SNX27: variants seen among roughly 807,000 people sequenced by gnomAD.
SNX27 encodes the protein sorting nexin 27.
Under a neutral mutation model 71.6 loss-of-function variants are expected in SNX27, and 22 were observed. The ratio of observed to expected loss-of-function variants is 0.31; its 90% CI spans 0.22 to 0.44. The LOEUF (loss-of-function observed/expected upper bound fraction) is 0.44, where lower values mean the gene tolerates loss of function less well. Ranked by LOEUF, SNX27 falls within the 20% of genes least tolerant of loss-of-function variation. The pLI, the probability that SNX27 is intolerant of heterozygous loss-of-function variation, is 1.00. For synonymous variants in SNX27, 269 were observed against 277.2 expected, an observed-to-expected ratio of 0.97 and a Z score of 0.29; for missense variants, 531 against 698.6, an observed-to-expected ratio of 0.76 and a Z score of 2.70.
intron 2 of SNX27, among the ~76,000 whole-genome samples, chr1:151,655,090 T>G (rs1669622990): frequency 6.6e-6 from 1 of 152,230 alleles, no homozygotes; most frequent in Admixed American, 6.5e-5. Flanking sequence ...TTGTTACATT[T>G]CTTTAAAGAG....
At chr1:151,674,383 A>C (rs188519639) in intron 7 of SNX27, among the ~76,000 whole-genome samples, 1 of 152,278 alleles carries the variant, frequency 6.6e-6, no homozygotes, top group East Asian at 1.9e-4. Context: ...TGTTGTTACT[A>C]TTTATATATA....
In SNX27 at chr1:151,695,465, G is replaced by C. The variant is rs4845486; in HGVS notation, c.*1048G>C. 7.8e-6 allele frequency: 1 copy of C among 128,634 alleles called. No individual in the cohort carries two copies. Among genetic ancestry groups the C allele is most frequent in the Non-Finnish European group, 1.6e-5 (1 of 64,424 alleles). The allele number at this position is 128,634 out of a possible 1,614,324, so 8.0% of individuals were successfully genotyped here. A position where few individuals can be genotyped will look rare whatever the true frequency, so the allele number is the denominator to read the frequency against. On this transcript the variant is annotated 3_prime_UTR_variant, in exon 12 of 12. Transcript: ENST00000458013. Reference sequence around the variant, plus strand: ...AGACAGGGTCTTACTCTGTCGCCCAGACTGGAATGTGGTGGCATGAACATA... The same window carrying C: ...AGACAGGGTCTTACTCTGTCGCCCACACTGGAATGTGGTGGCATGAACATA...
chr1:151,630,065 C>T (rs190536861), intron 1 of SNX27, among the ~76,000 whole-genome samples: 6 of 150,652 alleles, frequency 4.0e-5, no homozygotes, highest in Non-Finnish European at 7.4e-5. Context: ...GAGCCGAGAT[C>T]GCACCACTGC....
rs1491041932 is a variant in SNX27 at position 151,637,170 on chromosome 1, G to GT, written c.312-1706dup. Among the ~76,000 whole-genome samples, 10 of 32,842 alleles carry GT rather than the reference G, an allele frequency of 3.0e-4. No individual in the cohort carries two copies. The East Asian group carries it at 5.5e-3, about 18-fold the overall frequency. The allele number at this position is 32,842 out of a possible 152,430, so 21.5% of individuals were successfully genotyped here. A position where few individuals can be genotyped will look rare whatever the true frequency, so the allele number is the denominator to read the frequency against. On this transcript the variant is annotated intron_variant, in intron 1 of 11. Coordinates refer to ENST00000458013, the MANE Select transcript of SNX27 (RefSeq NM_001330723.2). ...TTGATCACGTTTTTTTTGTTTTTTT[G>GT]TTTTTTTTTTTTGAGACAGAGTCTT...
Position 151,651,136 on chromosome 1 carries a change from G to C in SNX27, c.544-7099G>C, listed in dbSNP as rs377082348. Reference sequence around the variant, plus strand: ...GTTGGGCACACCTCCCAGACGGGGTGGTGGCCGGGCAGAGGGGCTCCTCAC... The same window carrying C: ...GTTGGGCACACCTCCCAGACGGGGTCGTGGCCGGGCAGAGGGGCTCCTCAC... On this transcript the variant is annotated intron_variant, in intron 2 of 11. Transcript: ENST00000458013. Among the ~76,000 whole-genome samples the C allele has an allele frequency of 1.8e-3, 267 of 152,082 alleles. 12 individuals carry two copies. In the East Asian group the frequency reaches 0.036, roughly 21 times the overall value.
At chr1:151,646,882 G>GACACACACACAC (rs76803336) in intron 2 of SNX27, among the ~76,000 whole-genome samples, 5 of 148,584 alleles carry the variant, frequency 3.4e-5, no homozygotes, top group African/African-American at 1.2e-4. Context: ...GCTGGACACA[G>GACACACACACAC]ACACACACAC....
At chr1:151,619,552 C>T (rs538224100) in intron 1 of SNX27, among the ~76,000 whole-genome samples, 33 of 152,188 alleles carry the variant, frequency 2.2e-4, no homozygotes, top group South Asian at 1.5e-3. Flanking sequence ...CCGCTTGCCT[C>T]GGCTTCCCAA....
intron 2 of SNX27, among the ~76,000 whole-genome samples, chr1:151,654,834 G>A (rs142332823): frequency 1.4e-3 from 210 of 152,214 alleles, no homozygotes; most frequent in Non-Finnish European, 2.5e-3. Context: ...CATTAATCAC[G>A]AGAGTTTTGC....
chr1:151,644,891 C>T (rs892796949), intron 2 of SNX27, among the ~76,000 whole-genome samples: 2 of 152,068 alleles, frequency 1.3e-5, no homozygotes, highest in East Asian at 1.9e-4. Flanking sequence ...CTCTGCCTCC[C>T]GGGTTCAAGC....
At position 151,612,321 on chromosome 1, in the gene SNX27, C is replaced by T. The variant is rs1252759717; in HGVS notation, c.120C>T (p.Gly40=). 5 of 1,520,808 alleles carry T rather than the reference C, an allele frequency of 3.3e-6. No individual in the cohort carries two copies. The Admixed American group carries it at 6.7e-5, about 20-fold the overall frequency. The allele number at this position is 1,520,808 out of a possible 1,614,324, so 94.2% of individuals were successfully genotyped here. ...GGAACGGCGGCGGGGGAGGCGGCGG[C>T]CCGCGGGTCGTGCGCATCGTCAAGT... ...CAGNGGGGGG[G]PRVVRIVKSE... Residue 40 remains glycine (G), a synonymous_variant, in exon 1 of 12, where the codon GGC becomes GGT. Transcript: ENST00000458013. This position sits in a 1 kb window ranked among gnomAD's most constrained non-coding sequence, Gnocchi z 5.2.
chr1:151,628,221 G>A (rs1302273023), intron 1 of SNX27, among the ~76,000 whole-genome samples: 1 of 151,986 alleles, frequency 6.6e-6, no homozygotes, highest in East Asian at 1.9e-4. Context: ...TGGCCAGGCT[G>A]GTGTCAAACT....
chr1:151,652,927 C>CTT (rs34826631), intron 2 of SNX27, among the ~76,000 whole-genome samples: 8 of 109,480 alleles, frequency 7.3e-5, no homozygotes, highest in African/African-American at 2.3e-4. Context: ...TGTTGGGTTT[C>CTT]TTTTTTTTTT....
chr1:151,648,099 G>T (rs1036660563), intron 2 of SNX27, among the ~76,000 whole-genome samples: 4 of 151,732 alleles, frequency 2.6e-5, no homozygotes, highest in African/African-American at 9.7e-5. Flanking sequence ...CTGTCACCCA[G>T]GCTGGAATGC....
chr1:151,653,827 G>T (rs984325869), intron 2 of SNX27, among the ~76,000 whole-genome samples: 1 of 79,416 alleles, frequency 1.3e-5, no homozygotes, highest in East Asian at 2.8e-4. Flanking sequence ...AGCCTGGAGA[G>T]TTTTTTTTGT....
chr1:151,692,541 C>A lies in SNX27; in HGVS notation c.1346C>A (p.Thr449Lys). The change falls in exon 9 of 12, where the codon ACG becomes AAG. Residue 449 changes from threonine to lysine, a missense_variant. This residue lies in a region of SNX27 where 157 missense variants were observed against 178.4 expected (regional missense o/e 0.88). Transcript: ENST00000458013. The part of the protein sequence containing the change: ...KGHVITAISI[T>K]HFKLHACTEE... ...CACGTTATCACAGCCATCAGCATCACGCACTTTAAACTGCATGCCTGCACT... is the reference window on the plus strand; with the variant it reads ...CACGTTATCACAGCCATCAGCATCAAGCACTTTAAACTGCATGCCTGCACT... The A allele has an allele frequency of 1.2e-6, 2 of 1,612,000 alleles. No homozygotes were observed. Among genetic ancestry groups the A allele is most frequent in the Non-Finnish European group, 1.7e-6 (2 of 1,179,022 alleles).
At chr1:151,634,619 A>G (rs566646222) in intron 1 of SNX27, among the ~76,000 whole-genome samples, 2 of 152,318 alleles carry the variant, frequency 1.3e-5, no homozygotes, top group African/African-American at 4.8e-5. Flanking sequence ...TAAGTATTTT[A>G]TTAAAATTAT....
chr1:151,676,651 TTATC>T (rs1482352435), intron 7 of SNX27: 2 of 152,172 alleles, frequency 1.3e-5, no homozygotes, highest in Admixed American at 1.3e-4. Context: ...ATAACAATGT[TTATC>T]TATCTTTTCC....
At chr1:151,632,301 G>A in intron 1 of SNX27, among the ~76,000 whole-genome samples, 1 of 152,032 alleles carries the variant, frequency 6.6e-6, no homozygotes, top group East Asian at 1.9e-4. Context: ...GGGATTACAG[G>A]CATGCGCCAC....
intron 1 of SNX27, chr1:151,615,881 G>C (rs1180042239): frequency 7.4e-6 from 7 of 945,430 alleles, no homozygotes; most frequent in Non-Finnish European, 8.8e-6. Flanking sequence ...GTTTCTTTGT[G>C]TTTCTTTTAA....
Sources: gnomAD v4.1 joint callset for allele counts (sites outside exome capture counted in the v4.1 genomes callset) on GRCh38, gnomAD v4.1.1 for gene constraint, gnomAD v4.1.1 regional missense constraint, Gnocchi (gnomAD v3.1) non-coding constraint, MANE v1.5 for transcripts, NCBI Gene and HGNC (gene_info 2026-07-23, HGNC 2026-07-21) for gene names.